The following FGF12 variants were observed in gnomAD, a reference collection of about 807,000 sequenced individuals.
FGF12 encodes the protein fibroblast growth factor 12, also known as fibroblast growth factor 12B.
Under a neutral mutation model 23.6 loss-of-function variants are expected in FGF12, and 14 were observed. That is an observed-to-expected ratio of 0.59 (90% confidence interval 0.39 to 0.93). The LOEUF (loss-of-function observed/expected upper bound fraction) is 0.93, where lower values mean the gene tolerates loss of function less well. FGF12 is among the 40% of genes least tolerant of loss of function. The pLI, the probability that FGF12 is intolerant of heterozygous loss-of-function variation, is 0.00. For missense variants in FGF12, 175 were observed against 217.8 expected, an observed-to-expected ratio of 0.80 and a Z score of 1.24; for synonymous variants, 62 against 77.3, an observed-to-expected ratio of 0.80 and a Z score of 1.04.
At chr3:192,488,333 C>T (rs536681160) in intron 2 of FGF12, among the ~76,000 whole-genome samples, 11 of 152,036 alleles carry the variant, frequency 7.2e-5, no homozygotes, top group South Asian at 4.2e-4. Flanking sequence ...TAACCACATA[C>T]GAAAATAGAG....
rs1713314389 is a variant in FGF12, at chr3:192,140,581, G to C, written c.*3428C>G. ...TAAGTCTTTCCTTGTCCTTACTCTT[G>C]TCTTAATACTCTCATCTCCCACTAG... On this transcript the variant is annotated 3_prime_UTR_variant, in exon 6 of 6. Transcript: ENST00000445105. 2.0e-5 allele frequency: 3 copies of C among 151,708 alleles called. No homozygotes were observed. The highest frequency in any genetic ancestry group is 7.3e-5 in the African/African-American group (3 of 41,334). The allele number at this position is 151,708 out of a possible 1,614,324, so 9.4% of individuals were successfully genotyped here.
intron 2 of FGF12, among the ~76,000 whole-genome samples, chr3:192,600,925 G>A (rs573398713): frequency 1.3e-5 from 2 of 152,108 alleles, no homozygotes; most frequent in East Asian, 1.9e-4. Flanking sequence ...ACTACTGTAC[G>A]ACCCAGTAAT....
chr3:192,368,120 A>C (rs747267464), intron 2 of FGF12, among the ~76,000 whole-genome samples: 3 of 152,122 alleles, frequency 2.0e-5, no homozygotes, highest in Non-Finnish European at 4.4e-5. Context: ...AAAAAAAAAC[A>C]GAGCAGAAAA....
intron 2 of FGF12, among the ~76,000 whole-genome samples, chr3:192,664,665 T>C (rs372389581): frequency 4.1e-5 from 6 of 144,948 alleles, no homozygotes; most frequent in African/African-American, 1.0e-4. Flanking sequence ...ACTCAGGAGG[T>C]TGAAGAGGAG....
intron 4 of FGF12, among the ~76,000 whole-genome samples, chr3:192,334,488 C>T (rs930065760): frequency 1.3e-5 from 2 of 151,962 alleles, no homozygotes; most frequent in Non-Finnish European, 2.9e-5. Flanking sequence ...TCATGAACTA[C>T]AAATAGCCAA....
At position 192,602,582 on chromosome 3, in the gene FGF12, G is replaced by A. The variant is rs201706645; in HGVS notation, c.13+124599C>T. Among the ~76,000 whole-genome samples, 116 of 152,208 alleles carry A rather than the reference G, an allele frequency of 7.6e-4. 4 individuals carry two copies. The East Asian group carries it at 0.017, about 22-fold the overall frequency. On this transcript the variant is annotated intron_variant, in intron 2 of 5. Transcript: ENST00000445105. ...GGCATGTACAAGTTGCTGCCACAGTGTGTATGCAACTGTTTCTAAACAGCA... is the reference window on the plus strand; with the variant it reads ...GGCATGTACAAGTTGCTGCCACAGTATGTATGCAACTGTTTCTAAACAGCA...
intron 5 of FGF12, among the ~76,000 whole-genome samples, chr3:192,154,757 C>T (rs1171987470): frequency 1.4e-5 from 2 of 145,132 alleles, no homozygotes; most frequent in African/African-American, 2.6e-5. Context: ...GAGGTTACTG[C>T]TGTCTTTTTG....
intron 2 of FGF12, among the ~76,000 whole-genome samples, chr3:192,439,079 C>A (rs538069744): frequency 1.3e-5 from 2 of 152,272 alleles, no homozygotes; most frequent in South Asian, 4.1e-4. Context: ...GATCGACTGC[C>A]TTTTTCACAT....
At chr3:192,639,505 T>A (rs747291822) in intron 2 of FGF12, among the ~76,000 whole-genome samples, 5 of 152,224 alleles carry the variant, frequency 3.3e-5, no homozygotes, top group Non-Finnish European at 7.3e-5. Flanking sequence ...GAACTCCACA[T>A]TCATTGTAAC....
In FGF12 at chr3:192,497,336, T is replaced by C. The variant is rs1281632756; in HGVS notation, c.14-136798A>G. On this transcript the variant is annotated intron_variant, in intron 2 of 5. Coordinates refer to ENST00000445105, the MANE Select transcript of FGF12 (RefSeq NM_004113.6). ...TCAAAATATATTCCAAGTCAGACTA[T>C]GTGTCACTACTCAACACATTATCAC... Among the ~76,000 whole-genome samples, 5 of 152,308 alleles carry C rather than the reference T, an allele frequency of 3.3e-5. No individual in the cohort carries two copies. The South Asian group carries it at 8.3e-4, about 25-fold the overall frequency.
At chr3:192,428,799 A>G (rs1448642357) in intron 2 of FGF12, among the ~76,000 whole-genome samples, 1 of 152,174 alleles carries the variant, frequency 6.6e-6, no homozygotes, top group Non-Finnish European at 1.5e-5. Context: ...GATGAAGGAT[A>G]TGAGGTTGTT....
intron 3 of FGF12, among the ~76,000 whole-genome samples, chr3:192,344,364 A>G (rs769993898): frequency 3.3e-5 from 5 of 151,152 alleles, no homozygotes; most frequent in Non-Finnish European, 7.4e-5. Flanking sequence ...TTATGGGAGA[A>G]AAAAAAAAGC....
At chr3:192,447,995 C>T (rs192900128) in intron 2 of FGF12, among the ~76,000 whole-genome samples, 155 of 152,252 alleles carry the variant, frequency 1.0e-3, no homozygotes, top group African/African-American at 3.6e-3. Flanking sequence ...TGACTTCTTT[C>T]GCCCAATGTT....
chr3:192,488,037 T>G (rs1355730368), intron 2 of FGF12, among the ~76,000 whole-genome samples: 2 of 152,062 alleles, frequency 1.3e-5, no homozygotes, highest in African/African-American at 4.8e-5. Context: ...TGACAAGATC[T>G]CTAAAATAAC....
rs138976993 is a variant in FGF12, at chr3:192,246,984, A to T, written c.229-76328T>A. Among the ~76,000 whole-genome samples, 39 of 148,392 alleles carry T rather than the reference A, an allele frequency of 2.6e-4. 1 individual carries two copies. In the East Asian group the frequency reaches 7.5e-3, roughly 28 times the overall value. On this transcript the variant is annotated intron_variant, in intron 4 of 5. Coordinates refer to ENST00000445105, the MANE Select transcript of FGF12 (RefSeq NM_004113.6). ...AGAGAGGGAGGGAGAAAAGGCAGGG[A>T]AGGAAGGGAGAGAAAGAAAGAAAGA...
intron 2 of FGF12, among the ~76,000 whole-genome samples, chr3:192,585,555 C>G (rs1000794990): frequency 3.9e-5 from 6 of 152,132 alleles, no homozygotes; most frequent in African/African-American, 1.4e-4. Flanking sequence ...TGGTAGGTAT[C>G]TCACCAGCTT....
intron 4 of FGF12, among the ~76,000 whole-genome samples, chr3:192,246,572 C>T (rs903769527): frequency 2.0e-5 from 3 of 151,964 alleles, no homozygotes; most frequent in African/African-American, 7.2e-5. Context: ...TCCTGTAATC[C>T]CAGAACTTTG....
In FGF12 at chr3:192,335,448, A is replaced by C. The variant is rs1246896101; in HGVS notation, c.141T>G (p.Ile47Met). Reference protein sequence around the residue: ...ENSDYTLFNLIPVGLRVVAIQ... With the variant: ...ENSDYTLFNLMPVGLRVVAIQ... The stretch of plus-strand genomic sequence containing the variant: ...TGGCCACTACACGCAGGCCCACGGG[A>C]ATTAGATTGAAGAGAGCTGGGGGGA... The change falls in exon 4 of 6, where the codon ATT (isoleucine) becomes ATG (methionine). Residue 47 changes from isoleucine to methionine, a missense_variant. Coordinates refer to ENST00000445105, the MANE Select transcript of FGF12 (RefSeq NM_004113.6). The C allele has an allele frequency of 1.2e-6, 2 of 1,612,336 alleles. No homozygotes were observed. The highest frequency in any genetic ancestry group is 1.3e-5 in the African/African-American group (1 of 74,832).
chr3:192,279,654 T>C (rs867594009), intron 4 of FGF12, among the ~76,000 whole-genome samples: 2 of 152,140 alleles, frequency 1.3e-5, no homozygotes, highest in African/African-American at 4.8e-5. Flanking sequence ...AAATCCTGAA[T>C]GAGATTTCCC....
Sources: gnomAD v4.1 joint callset for allele counts (sites outside exome capture counted in the v4.1 genomes callset) on GRCh38, gnomAD v4.1.1 for gene constraint, MANE v1.5 for transcripts, NCBI Gene and HGNC (gene_info 2026-07-23, HGNC 2026-07-21) for gene names.